Variants in ESRRG observed in about 807,000 individuals in gnomAD.
ESRRG encodes the protein estrogen-related receptor gamma.
ESRRG carries 13 observed loss-of-function variants against 44.0 expected under a neutral mutation model. The observed-to-expected ratio is 0.30, with a 90% CI of 0.19 to 0.47. The LOEUF (loss-of-function observed/expected upper bound fraction) is 0.47, where lower values mean the gene tolerates loss of function less well. Ranked by LOEUF, ESRRG falls within the 20% of genes least tolerant of loss-of-function variation. The pLI, the probability that ESRRG is intolerant of heterozygous loss-of-function variation, is 1.00. For synonymous variants in ESRRG, 215 were observed against 214.6 expected (o/e 1.00, Z -0.02); for missense variants, 395 against 580.6 (o/e 0.68, Z 3.29).
rs557531220 is a variant in ESRRG, at chr1:217,066,340, C to T, written c.-106+23167G>A. 3.1e-3 allele frequency among the ~76,000 whole-genome samples: 443 copies of T among 142,958 alleles called. 4 individuals are homozygous for T. The highest frequency in any genetic ancestry group is 0.011 in the African/African-American group (423 of 40,188). 93.8% of individuals were successfully genotyped at this position (142,958 alleles called of 152,430 possible). A position where few individuals can be genotyped will look rare whatever the true frequency, so the allele number is the denominator to read the frequency against. ...CGCGATCTCGGCTCACTTCAAGCTC[C>T]GCCTCCCGGGTTCACGCCATTCTCC... On this transcript the variant is annotated intron_variant, in intron 1 of 7. Coordinates refer to the ESRRG transcript ENST00000359162.
chr1:216,746,301 T>G (rs150554314), intron 2 of ESRRG, among the ~76,000 whole-genome samples: 3,320 of 152,218 alleles, frequency 0.022, 130 homozygotes, highest in African/African-American at 0.076. Flanking sequence ...CACATGCTTT[T>G]CCTAGATGGA....
At chr1:216,625,367 T>C (rs1244614620) in intron 3 of ESRRG, among the ~76,000 whole-genome samples, 1 of 150,522 alleles carries the variant, frequency 6.6e-6, no homozygotes, top group Admixed American at 6.6e-5. Context: ...ATAGTACCAT[T>C]TGATCATTTT....
At chr1:216,561,471 C>A (rs949363155) in intron 5 of ESRRG, among the ~76,000 whole-genome samples, 17 of 152,098 alleles carry the variant, frequency 1.1e-4, no homozygotes, top group African/African-American at 4.1e-4. Flanking sequence ...GCTATGACCC[C>A]AGTTATCAGG....
At position 216,515,792 on chromosome 1, in the gene ESRRG, A is replaced by C. The variant is rs61253664; in HGVS notation, c.1132+3360T>G. Among the ~76,000 whole-genome samples, 1,068 of 152,238 alleles carry C rather than the reference A, an allele frequency of 7.0e-3. 10 individuals are homozygous for C. The highest frequency in any genetic ancestry group is 0.024 in the African/African-American group (1,007 of 41,540). ...TTGAAGTTCTTATGACTCGAGCAAC[A>C]GAGAATTGTCAGACTAAAGTGATTC... On this transcript the variant is annotated intron_variant, in intron 6 of 6. Transcript: ENST00000408911.
chr1:216,846,395 C>A (rs937748672), intron 2 of ESRRG, among the ~76,000 whole-genome samples: 1 of 152,060 alleles, frequency 6.6e-6, no homozygotes, highest in Admixed American at 6.6e-5. Context: ...AGTTGGCAAA[C>A]TTTTCTGTAG....
intron 1 of ESRRG, among the ~76,000 whole-genome samples, chr1:217,004,029 G>A (rs988876791): frequency 6.6e-6 from 1 of 151,990 alleles, no homozygotes; most frequent in Admixed American, 6.6e-5. Context: ...CTGTCTTATG[G>A]GGTAAAGGGG....
chr1:216,571,628 G>T (rs1289084422), intron 3 of ESRRG, among the ~76,000 whole-genome samples: 1 of 152,052 alleles, frequency 6.6e-6, no homozygotes, highest in Non-Finnish European at 1.5e-5. Flanking sequence ...TCCTGTGTGT[G>T]TGTAGATCAA....
chr1:216,912,155 GAAAAGAAAAGAAAAGAAAAGAAA>G (rs2060429493), intron 2 of ESRRG, among the ~76,000 whole-genome samples: 1 of 33,700 alleles, frequency 3.0e-5, no homozygotes, highest in African/African-American at 1.8e-4. Flanking sequence ...GAAAAGAAAA[GAAAAGAAAAGAAAAGAAAAGAAA>G]AGAAAAGGAG....
At chr1:216,758,416 C>T (rs751946377) in intron 2 of ESRRG, among the ~76,000 whole-genome samples, 19 of 152,036 alleles carry the variant, frequency 1.2e-4, no homozygotes, top group Non-Finnish European at 2.4e-4. Flanking sequence ...GGTTTGTTCT[C>T]ACCAATGCAA....
At chr1:216,789,542 G>T (rs2094245231) in intron 2 of ESRRG, among the ~76,000 whole-genome samples, 1 of 152,110 alleles carries the variant, frequency 6.6e-6, no homozygotes, top group South Asian at 2.1e-4. Context: ...TGAAAAAATT[G>T]GTGTGACTTG....
intron 3 of ESRRG, among the ~76,000 whole-genome samples, chr1:216,588,757 T>C (rs2057125401): frequency 6.6e-6 from 1 of 152,168 alleles, no homozygotes; most frequent in Non-Finnish European, 1.5e-5. Flanking sequence ...TCCAAAACTC[T>C]AAACAAATTT....
chr1:216,911,480 G>T (rs2060291707), intron 2 of ESRRG, among the ~76,000 whole-genome samples: 1 of 152,122 alleles, frequency 6.6e-6, no homozygotes, highest in Admixed American at 6.6e-5. Context: ...GGATATTTAG[G>T]GCAGTGAAAC....
At chr1:216,653,660 TTC>T (rs748200513) in intron 2 of ESRRG, among the ~76,000 whole-genome samples, 6 of 152,184 alleles carry the variant, frequency 3.9e-5, no homozygotes, top group Non-Finnish European at 7.3e-5. Flanking sequence ...TCATGAAAAC[TTC>T]TCTGACTATC....
intron 3 of ESRRG, among the ~76,000 whole-genome samples, chr1:216,615,164 A>G (rs1309191311): frequency 6.6e-6 from 1 of 152,202 alleles, no homozygotes; most frequent in African/African-American, 2.4e-5. Context: ...CAGAACAGGC[A>G]TTGACTTCCT....
intron 3 of ESRRG, among the ~76,000 whole-genome samples, chr1:216,586,710 G>A (rs893966823): frequency 3.3e-5 from 5 of 150,898 alleles, no homozygotes; most frequent in Non-Finnish European, 5.9e-5. Context: ...AGAGTGGCTG[G>A]GACTACAGGC....
chr1:216,790,155 A>G (rs1029590148), intron 2 of ESRRG, among the ~76,000 whole-genome samples: 1 of 152,152 alleles, frequency 6.6e-6, no homozygotes, highest in Admixed American at 6.6e-5. Context: ...TGAGGAACAG[A>G]GCTGCCTGAC....
chr1:217,010,648 T>C (rs1489910511), intron 1 of ESRRG, among the ~76,000 whole-genome samples: 1 of 152,210 alleles, frequency 6.6e-6, no homozygotes, highest in Non-Finnish European at 1.5e-5. Flanking sequence ...GGTTATCTTT[T>C]CATTCAAAGG....
chr1:216,676,628 AG>A (rs1464257094), intron 2 of ESRRG, among the ~76,000 whole-genome samples: 1 of 152,190 alleles, frequency 6.6e-6, no homozygotes, highest in South Asian at 2.1e-4. Context: ...GGTAGGACCC[AG>A]GAATCTGCAT....
chr1:217,030,265 C>G (rs550889133), intron 1 of ESRRG, among the ~76,000 whole-genome samples: 1 of 152,260 alleles, frequency 6.6e-6, no homozygotes, highest in South Asian at 2.1e-4. Flanking sequence ...GATAACAGCC[C>G]TCTTCCCAAC....
Sources: gnomAD v4.1 joint callset for allele counts (sites outside exome capture counted in the v4.1 genomes callset) on GRCh38, gnomAD v4.1.1 for gene constraint, MANE v1.5 for transcripts, NCBI Gene and HGNC (gene_info 2026-07-23, HGNC 2026-07-21) for gene names.